The following MSRA variants were observed in gnomAD, a reference collection of about 807,000 sequenced individuals.
MSRA encodes mitochondrial peptide methionine sulfoxide reductase.
A neutral mutation model predicts 31.3 loss-of-function variants in MSRA; 54 were observed. The observed-to-expected ratio is 1.73, with a 90% confidence interval of 1.39 to 2.17. MSRA has a LOEUF of 2.17. MSRA is among the 30% of genes most tolerant of loss of function. The pLI is 0.00. For synonymous variants in MSRA, 169 were observed against 116.5 expected (o/e 1.45, Z -2.90); for missense variants, 507 against 300.9 (o/e 1.69, Z -5.07).
chr8:10,402,590 C>T (rs11779205), intron 5 of MSRA, among the ~76,000 whole-genome samples: 44,034 of 152,086 alleles, frequency 0.29, 7,161 homozygotes, highest in Non-Finnish European at 0.37. Flanking sequence ...CACGCATTTC[C>T]AACAATGGCT....
chr8:10,371,880 C>T (rs1805498570), intron 5 of MSRA, among the ~76,000 whole-genome samples: 1 of 152,118 alleles, frequency 6.6e-6, no homozygotes, highest in Non-Finnish European at 1.5e-5. Flanking sequence ...GAAGGTTTGC[C>T]CAAGTTTGGT....
intron 3 of MSRA, among the ~76,000 whole-genome samples, chr8:10,246,377 C>T (rs756488507): frequency 6.6e-6 from 1 of 152,190 alleles, no homozygotes; most frequent in Non-Finnish European, 1.5e-5. Context: ...ATTTCCTTTC[C>T]TTTCCTGCCA....
intron 3 of MSRA, among the ~76,000 whole-genome samples, chr8:10,254,092 G>A (rs778363592): frequency 6.6e-6 from 1 of 152,022 alleles, no homozygotes; most frequent in Non-Finnish European, 1.5e-5. Context: ...CCTCAGCTGC[G>A]GGAGAAGCTT....
chr8:10,164,026 T>C (rs1804900333), intron 1 of MSRA, among the ~76,000 whole-genome samples: 1 of 152,274 alleles, frequency 6.6e-6, no homozygotes, highest in Non-Finnish European at 1.5e-5. Context: ...TAGCCTGTCT[T>C]ATCTTGTACT....
intron 5 of MSRA, among the ~76,000 whole-genome samples, chr8:10,346,618 G>A (rs975437074): frequency 1.3e-5 from 2 of 152,220 alleles, no homozygotes; most frequent in Non-Finnish European, 2.9e-5. Flanking sequence ...GTGGAAAAGA[G>A]GGAAAGCTTC....
At chr8:10,217,587 C>T (rs1810105088) in intron 2 of MSRA, among the ~76,000 whole-genome samples, 1 of 152,162 alleles carries the variant, frequency 6.6e-6, no homozygotes, top group Admixed American at 6.5e-5. Flanking sequence ...TGAAGCCTTG[C>T]TCGCTCAGCT....
intron 1 of MSRA, among the ~76,000 whole-genome samples, chr8:10,168,467 T>G (rs780020040): frequency 1.8e-4 from 28 of 152,196 alleles, no homozygotes; most frequent in Admixed American, 3.3e-4. Flanking sequence ...GGCACACAAA[T>G]AATTTTTAAT....
chr8:10,334,841 C>T (rs971251905), intron 5 of MSRA, among the ~76,000 whole-genome samples: 51 of 152,366 alleles, frequency 3.3e-4, no homozygotes, highest in Admixed American at 5.9e-4. Flanking sequence ...CCATTTAACT[C>T]CAGCGCGCCA....
chr8:10,271,152 G>C (rs1356281204), intron 3 of MSRA, among the ~76,000 whole-genome samples: 2 of 151,458 alleles, frequency 1.3e-5, no homozygotes, highest in Non-Finnish European at 2.9e-5. Context: ...TAAACAAACA[G>C]CTTTTTAAAA....
At chr8:10,396,980 C>G (rs1807135624) in intron 5 of MSRA, among the ~76,000 whole-genome samples, 1 of 152,182 alleles carries the variant, frequency 6.6e-6, no homozygotes, top group Admixed American at 6.5e-5. Flanking sequence ...TCGCTGAGTA[C>G]CAGACTCTAT....
At chr8:10,376,454 C>G (rs1172313809) in intron 5 of MSRA, among the ~76,000 whole-genome samples, 2 of 152,202 alleles carry the variant, frequency 1.3e-5, no homozygotes, top group Non-Finnish European at 2.9e-5. Context: ...ATTATCTGGG[C>G]TTGGATCTTG....
intron 1 of MSRA, among the ~76,000 whole-genome samples, chr8:10,081,646 C>A (rs1363013906): frequency 6.6e-6 from 1 of 152,104 alleles, no homozygotes; most frequent in Non-Finnish European, 1.5e-5. Context: ...CCCACAACGA[C>A]GCCTGACAAA....
intron 2 of MSRA, among the ~76,000 whole-genome samples, chr8:10,234,871 C>T (rs1236728909): frequency 6.6e-6 from 1 of 151,878 alleles, no homozygotes; most frequent in African/African-American, 2.4e-5. Context: ...GGAATAGTAG[C>T]AAGAGGATAA....
rs566774875 is a variant in MSRA at position 10,314,571 on chromosome 8, C to T, written c.437-5312C>T. On this transcript the variant is annotated intron_variant, in intron 4 of 5. Coordinates refer to ENST00000317173, the MANE Select transcript of MSRA (RefSeq NM_012331.5). ...AGTCATGTGGTTTTGTAAATTGGTA[C>T]GACTACTCTGGAAAAATAGTTCAGC... 1.7e-4 allele frequency among the ~76,000 whole-genome samples: 26 copies of T among 152,224 alleles called. 1 individual carries two copies. In the South Asian group the frequency reaches 3.9e-3, roughly 23 times the overall value.
intron 1 of MSRA, among the ~76,000 whole-genome samples, chr8:10,106,335 C>A (rs572634749): frequency 1.3e-5 from 2 of 152,094 alleles, no homozygotes; most frequent in South Asian, 4.2e-4. Flanking sequence ...AGTGAAATGT[C>A]CTCTCATTGG....
At chr8:10,263,976 G>T (rs1242240141) in intron 3 of MSRA, among the ~76,000 whole-genome samples, 2 of 152,136 alleles carry the variant, frequency 1.3e-5, no homozygotes, top group Admixed American at 1.3e-4. Flanking sequence ...TGTGACCACA[G>T]TTTTCTTTAC....
chr8:10,284,256 T>G (rs1250737475), intron 3 of MSRA, among the ~76,000 whole-genome samples: 2 of 152,252 alleles, frequency 1.3e-5, no homozygotes, highest in South Asian at 2.1e-4. Flanking sequence ...TGGCACAATC[T>G]CGGCTCACTG....
chr8:10,345,384 A>G (rs1217010789), intron 5 of MSRA, among the ~76,000 whole-genome samples: 1 of 152,174 alleles, frequency 6.6e-6, no homozygotes, highest in Non-Finnish European at 1.5e-5. Context: ...TGTCACATCC[A>G]TTTCTAACTG....
chr8:10,091,157 T>C (rs1378578019), intron 1 of MSRA, among the ~76,000 whole-genome samples: 2 of 152,262 alleles, frequency 1.3e-5, no homozygotes, highest in Non-Finnish European at 2.9e-5. Context: ...TAATCCTTTT[T>C]ATATTTTGCT....
Sources: gnomAD v4.1 joint callset for allele counts (sites outside exome capture counted in the v4.1 genomes callset) on GRCh38, gnomAD v4.1.1 for gene constraint, MANE v1.5 for transcripts, NCBI Gene and HGNC (gene_info 2026-07-23, HGNC 2026-07-21) for gene names.